The following ZNF665 variants were observed in gnomAD, a reference collection of about 807,000 sequenced individuals.
The protein encoded by ZNF665 is zinc finger protein 665.
ZNF665 carries 6 observed loss-of-function variants against 7.9 expected under a neutral mutation model. The ratio of observed to expected loss-of-function variants is 0.76; its 90% CI spans 0.42 to 1.50. The LOEUF is 1.50. ZNF665 is among the 40% of genes most tolerant of loss of function. The pLI is 0.01. For synonymous variants in ZNF665, 242 were observed against 274.5 expected (o/e 0.88, Z 1.17); for missense variants, 819 against 806.7 (o/e 1.02, Z -0.18).
At chr19:53,166,463 A>T (rs2090616945) in intron 3 of ZNF665, 116 bp from the exon 4 acceptor site, 1 of 952,352 alleles carries the variant, frequency 1.1e-6, no homozygotes, top group South Asian at 2.2e-5. Context: ...CAGACTTACG[A>T]TTCTTCAGAA....
intron 1 of ZNF665, chr19:53,190,378 T>A (rs529383372): frequency 1.3e-5 from 2 of 152,336 alleles, no homozygotes; most frequent in Admixed American, 6.5e-5. Flanking sequence ...CAACCCAGAA[T>A]ACTTCACTTG....
intron 3 of ZNF665, among the ~76,000 whole-genome samples, chr19:53,168,148 AT>A (rs57555440): frequency 0.96 from 144,007 of 150,136 alleles, 69,099 homozygotes; most frequent in South Asian, 0.97. Flanking sequence ...CTGGAATATA[AT>A]TTTTTTTTAT....
chr19:53,175,321 C>A (rs982194119), intron 3 of ZNF665, 124 bp downstream of exon 3: 6 of 1,236,258 alleles, frequency 4.9e-6, no homozygotes, highest in Non-Finnish European at 6.7e-6. Flanking sequence ...TTAGGCTTTT[C>A]ATTTATGAGT....
chr19:53,175,538 A>G lies in ZNF665; in HGVS notation c.49T>C (p.Phe17Leu). Reference sequence around the variant, plus strand: ...AGGCATGTCCACTCCTCCTGAGAGAATTCTATGGCCACATCCTTGAATGTC... The same window carrying G: ...AGGCATGTCCACTCCTCCTGAGAGAGTTCTATGGCCACATCCTTGAATGTC... ...QLTFKDVAIE[F>L]SQEEWTCLDP... Residue 17 changes from phenylalanine (F) to leucine (L), a missense_variant, in exon 3 of 4, where the codon TTC becomes CTC. Phe to Leu is a conservative substitution (Grantham distance 22, BLOSUM62 0). Coordinates refer to ENST00000396424, the MANE Select transcript of ZNF665 (RefSeq NM_024733.5). The G allele has an allele frequency of 6.8e-6, 11 of 1,610,288 alleles. No homozygotes were observed. The highest frequency in any genetic ancestry group is 9.3e-6 in the Non-Finnish European group (11 of 1,178,924).
At chr19:53,167,839 G>A (rs1233183027) in intron 3 of ZNF665, among the ~76,000 whole-genome samples, 1 of 147,726 alleles carries the variant, frequency 6.8e-6, no homozygotes, top group Non-Finnish European at 1.5e-5. Flanking sequence ...GGTGGATCAC[G>A]AGGTCAGGAG....
intron 2 of ZNF665, 89 bp from the exon 3 acceptor site, chr19:53,175,660 G>T: frequency 6.8e-7 from 1 of 1,466,792 alleles, no homozygotes. Flanking sequence ...TGTAAGAATA[G>T]GTTCAATTCA....
intron 1 of ZNF665, among the ~76,000 whole-genome samples, chr19:53,192,632 T>G (rs1190326211): frequency 6.6e-6 from 1 of 152,228 alleles, no homozygotes; most frequent in African/African-American, 2.4e-5. Flanking sequence ...TACTTTTCTC[T>G]CAGCCCCCCT....
rs548835935 is a variant in ZNF665 at position 53,170,637 on chromosome 19, A to G, written c.143-4290T>C. Among the ~76,000 whole-genome samples, 211 of 152,308 alleles carry G rather than the reference A, an allele frequency of 1.4e-3. 1 individual carries two copies. Among genetic ancestry groups the G allele is most frequent in the African/African-American group, 4.6e-3 (192 of 41,568 alleles). ...AACTTCCTTCTTTTAAAGGCTACAC[A>G]GTGTTCCATCATTTTCTTTATCCAT... On this transcript the variant is annotated intron_variant, in intron 3 of 3. Coordinates refer to ENST00000396424, the MANE Select transcript of ZNF665 (RefSeq NM_024733.5).
Position 53,172,119 on chromosome 19 carries a change from AT to A in ZNF665, c.142+3325del, listed in dbSNP as rs573574827. Among the ~76,000 whole-genome samples the A allele has an allele frequency of 2.3e-4, 35 of 152,050 alleles. 1 individual carries two copies. The East Asian group carries it at 5.0e-3, about 22-fold the overall frequency. On this transcript the variant is annotated intron_variant, in intron 3 of 3. Transcript: ENST00000396424. ...AATTTATGCATTCATGACATACCTA[AT>A]TTTTTCTTAATTTTTATAATATTTT...
Position 53,165,405 on chromosome 19 carries a change from G to A in ZNF665, c.1085C>T (p.Ala362Val). ...ACCAGTATGAATTCGCCGATGCTTT[G>A]CAAGGTATGAATTGTGCCTGAAGAC... ...GKVFRHNSYL[A>V]KHRRIHTGEK... is the part of the protein sequence containing the mutation. Residue 362 changes from alanine (A) to valine (V), a missense_variant, in exon 4 of 4, where the codon GCA becomes GTA. Ala to Val is a moderately conservative substitution (Grantham distance 64). Transcript: ENST00000396424. 44 of 1,614,140 alleles carry A rather than the reference G, an allele frequency of 2.7e-5. No individual in the cohort carries two copies. The highest frequency in any genetic ancestry group is 3.6e-5 in the Non-Finnish European group (43 of 1,180,024).
intron 3 of ZNF665, among the ~76,000 whole-genome samples, chr19:53,169,707 C>T (rs1046620137): frequency 4.6e-5 from 7 of 150,590 alleles, no homozygotes; most frequent in Non-Finnish European, 8.9e-5. Context: ...CAACAGTCCC[C>T]AGAGTGTGAT....
chr19:53,167,811 C>T (rs193073627), intron 3 of ZNF665, among the ~76,000 whole-genome samples: 2,275 of 147,654 alleles, frequency 0.015, 65 homozygotes, highest in African/African-American at 0.054. Flanking sequence ...AATCCCAGCA[C>T]TTTGGGAGGC....
At chr19:53,178,899 A>G (rs1032989216) in intron 2 of ZNF665, among the ~76,000 whole-genome samples, 1 of 152,238 alleles carries the variant, frequency 6.6e-6, no homozygotes, top group African/African-American at 2.4e-5. Context: ...TGGCAGGGGA[A>G]TTATCTCAAA....
At chr19:53,183,992 G>A (rs192830468) in intron 1 of ZNF665, among the ~76,000 whole-genome samples, 2 of 152,288 alleles carry the variant, frequency 1.3e-5, no homozygotes, top group Admixed American at 1.3e-4. Context: ...GCTCTTGCCT[G>A]TAATCTCAGC....
intron 3 of ZNF665, among the ~76,000 whole-genome samples, chr19:53,167,485 C>T (rs1320892478): frequency 2.9e-4 from 44 of 149,754 alleles, no homozygotes; most frequent in African/African-American, 9.2e-4. Context: ...GACAGAGTCT[C>T]GCTTTGTCAC....
rs375990736 is a variant in ZNF665 at position 53,164,879 on chromosome 19, A to G, written c.1611T>C (p.Thr537=). 1 of 1,614,186 alleles carries G rather than the reference A, an allele frequency of 6.2e-7. No homozygotes were observed. Among genetic ancestry groups the G allele is most frequent in the Non-Finnish European group, 8.5e-7 (1 of 1,180,044 alleles). The change falls in exon 4 of 4, where the codon ACT becomes ACC. Residue 537 remains threonine (T), a synonymous_variant. Transcript: ENST00000396424. ...CATTACATTTGTATGGTTTTTGTCCAGTATGTATTGTCTGATGTATAGTTA... is the reference window on the plus strand; with the variant it reads ...CATTACATTTGTATGGTTTTTGTCCGGTATGTATTGTCTGATGTATAGTTA... ...SSLTIHQTIH[T]GQKPYKCNDC...
At chr19:53,191,077 C>T (rs1391385096) in intron 1 of ZNF665, among the ~76,000 whole-genome samples, 1 of 141,052 alleles carries the variant, frequency 7.1e-6, no homozygotes, top group African/African-American at 3.1e-5. Context: ...TCCGAAGCTC[C>T]GAATCTGGGA....
rs57521729 is a variant in ZNF665 at position 53,168,055 on chromosome 19, C to CAA, written c.143-1710_143-1709dup. Among the ~76,000 whole-genome samples the CAA allele has an allele frequency of 4.2e-3, 276 of 66,392 alleles. 4 individuals are homozygous for CAA. Among genetic ancestry groups the CAA allele is most frequent in the African/African-American group, 0.014 (260 of 18,164 alleles). 43.6% of individuals were successfully genotyped at this position (66,392 alleles called of 152,430 possible). A position where few individuals can be genotyped will look rare whatever the true frequency, so the allele number is the denominator to read the frequency against. ...TGGGCGACACAGCCTGACTCCCTCT[C>CAA]AAAAAAAAAAAAAAAAAAAAAAAAA... On this transcript the variant is annotated intron_variant, in intron 3 of 3. Coordinates refer to ENST00000396424, the MANE Select transcript of ZNF665 (RefSeq NM_024733.5).
chr19:53,184,047 TG>T (rs2090758426), intron 1 of ZNF665, among the ~76,000 whole-genome samples: 1 of 152,014 alleles, frequency 6.6e-6, no homozygotes. Flanking sequence ...CTCAGGAGTT[TG>T]AGACCAGCCT....
Sources: gnomAD v4.1 joint callset for allele counts (sites outside exome capture counted in the v4.1 genomes callset) on GRCh38, gnomAD v4.1.1 for gene constraint, MANE v1.5 for transcripts, NCBI Gene and HGNC (gene_info 2026-07-23, HGNC 2026-07-21) for gene names.